PML: variants seen among roughly 807,000 people sequenced by gnomAD.
The protein encoded by PML is protein PML.
Under a neutral mutation model 65.2 loss-of-function variants are expected in PML, and 28 were observed. The observed-to-expected ratio is 0.43, with a 90% CI of 0.32 to 0.59. The LOEUF is 0.59. Among genes scored for constraint, PML ranks in the 20% least tolerant of loss-of-function variants. PML has a pLI of 0.08. For synonymous variants in PML, 500 were observed against 508.8 expected (o/e 0.98, Z 0.23); for missense variants, 1,021 against 1,203.4 (o/e 0.85, Z 2.24).
chr15:74,017,964 G>A (rs2141815655), intron 2 of PML, among the ~76,000 whole-genome samples: 1 of 152,044 alleles, frequency 6.6e-6, no homozygotes, highest in East Asian at 1.9e-4. Context: ...TTGAGACTCT[G>A]TCTCTATAAA....
At chr15:74,015,691 C>G (rs945036727) in intron 2 of PML, among the ~76,000 whole-genome samples, 1 of 152,210 alleles carries the variant, frequency 6.6e-6, no homozygotes, top group African/African-American at 2.4e-5. Context: ...ATGTGTAATA[C>G]CCCCTCTTCT....
intron 1 of PML, among the ~76,000 whole-genome samples, chr15:73,995,223 C>T (rs1367189319): frequency 1.3e-5 from 2 of 152,244 alleles, no homozygotes; most frequent in Admixed American, 6.5e-5. Flanking sequence ...GGCCTCCGGG[C>T]CTGGGCCCTT....
intron 2 of PML, among the ~76,000 whole-genome samples, chr15:74,005,392 G>C (rs1037153221): frequency 2.0e-4 from 30 of 152,142 alleles, no homozygotes; most frequent in African/African-American, 6.7e-4. Context: ...TTGTTATATG[G>C]ATATTGGAAC....
In PML at chr15:74,035,696, G is replaced by C; in HGVS notation, c.1710+1166G>C. The C allele has an allele frequency of 6.2e-7, 1 of 1,614,086 alleles. No homozygotes were observed. The highest frequency in any genetic ancestry group is 1.1e-5 in the South Asian group (1 of 91,088). ...GGGGCTCCTCCCATTTATCCCAGTG[G>C]CTCAACAACTTTTTTGCCCTCCCCT... On this transcript the variant is annotated intron_variant, in intron 7 of 8. Coordinates refer to ENST00000268058, the MANE Select transcript of PML (RefSeq NM_033238.3). This position sits in a 1 kb window ranked among gnomAD's most constrained non-coding sequence, Gnocchi z 4.1.
At chr15:74,026,948 C>A (rs1255442495) in intron 4 of PML, 1 of 152,142 alleles carries the variant, frequency 6.6e-6, no homozygotes, top group Admixed American at 6.6e-5. Flanking sequence ...CCACCGTGCC[C>A]CACCTCTTTT....
Position 74,035,584 on chromosome 15 carries a change from C to T in PML, c.1710+1054C>T. ...GGGCCCCTCAACCATCCTGCCAATG[C>T]CCAGGAACATCCTGCCCAGCTGCAA... is the stretch of plus-strand genomic sequence containing the variant. On this transcript the variant is annotated intron_variant, in intron 7 of 8. Coordinates refer to ENST00000268058, the MANE Select transcript of PML (RefSeq NM_033238.3). This position sits in a 1 kb window ranked among gnomAD's most constrained non-coding sequence, Gnocchi z 4.1. 6.2e-7 allele frequency: 1 copy of T among 1,612,190 alleles called. No individual in the cohort carries two copies. Among genetic ancestry groups the T allele is most frequent in the Non-Finnish European group, 8.5e-7 (1 of 1,179,908 alleles).
In PML at chr15:74,024,881, G is replaced by C; in HGVS notation, c.1208G>C (p.Ser403Thr). The change falls in exon 4 of 9, where the codon AGC (serine) becomes ACC (threonine). Residue 403 changes from serine (S) to threonine (T), a missense_variant. Ser to Thr is a moderately conservative substitution (Grantham distance 58). Coordinates refer to ENST00000268058, the MANE Select transcript of PML (RefSeq NM_033238.3). ...GKDAAVSKKA[S>T]PEAASTPRDP... ...GATGCAGCTGTATCCAAGAAAGCCA[G>C]CCCAGAGGCTGCCAGCACTCCCAGG... 1 of 1,614,016 alleles carries C rather than the reference G, an allele frequency of 6.2e-7. No homozygotes were observed.
intron 4 of PML, among the ~76,000 whole-genome samples, chr15:74,030,651 A>AAAAC (rs71137375): frequency 1.5e-4 from 23 of 151,222 alleles, no homozygotes; most frequent in South Asian, 6.3e-4. Context: ...ACTCTGTCTC[A>AAAAC]AAACAAACAA....
intron 1 of PML, among the ~76,000 whole-genome samples, chr15:73,995,513 G>A (rs374690457): frequency 2.2e-4 from 33 of 152,290 alleles, no homozygotes; most frequent in South Asian, 8.3e-4. Flanking sequence ...CACCTCCCCC[G>A]ACAAAGGAAC....
intron 2 of PML, among the ~76,000 whole-genome samples, chr15:74,000,021 G>A (rs984354215): frequency 3.3e-5 from 5 of 151,882 alleles, no homozygotes. Context: ...ATTTTTAGTA[G>A]AGACAGGGTT....
chr15:74,038,003 ACT>A (rs574586646), intron 7 of PML, among the ~76,000 whole-genome samples: 312 of 151,254 alleles, frequency 2.1e-3, no homozygotes, highest in African/African-American at 6.9e-3. Flanking sequence ...GGCTCGCCCC[ACT>A]CTCTGCCCGG....
At chr15:74,015,078 C>T (rs1237936179) in intron 2 of PML, among the ~76,000 whole-genome samples, 1 of 152,222 alleles carries the variant, frequency 6.6e-6, no homozygotes, top group Non-Finnish European at 1.5e-5. Context: ...TGCTTCCTTT[C>T]ACCGCTTTCC....
Position 74,047,739 on chromosome 15 carries a change from C to T in PML, c.*2731C>T, listed in dbSNP as rs2071784543. 3 of 187,934 alleles carry T rather than the reference C, an allele frequency of 1.6e-5. No homozygotes were observed. The highest frequency in any genetic ancestry group is 3.4e-5 in the Non-Finnish European group (3 of 89,296). The allele number at this position is 187,934 out of a possible 1,614,324, so 11.6% of individuals were successfully genotyped here. On this transcript the variant is annotated 3_prime_UTR_variant, in exon 9 of 9. Transcript: ENST00000268058. ...AGCTTTTTGGTATATTTTAAAAGTG[C>T]ACAAATTTAAGATCTTACTGCTTTA...
rs189441029 is a variant in PML at position 74,047,235 on chromosome 15, G to A, written c.*2227G>A. The A allele has an allele frequency of 3.0e-5, 7 of 230,566 alleles. No individual in the cohort carries two copies. The highest frequency in any genetic ancestry group is 1.7e-4 in the Admixed American group (3 of 17,692). The allele number at this position is 230,566 out of a possible 1,614,324, so 14.3% of individuals were successfully genotyped here. ...GGGAGGCCCAGGACTTTGGTAACAG[G>A]TGATGAATGTGTTGTCTTGGCCATC... is the stretch of plus-strand genomic sequence containing the variant. On this transcript the variant is annotated 3_prime_UTR_variant, in exon 9 of 9. Coordinates refer to ENST00000268058, the MANE Select transcript of PML (RefSeq NM_033238.3).
chr15:74,024,388 C>T (rs1258357247), intron 3 of PML, among the ~76,000 whole-genome samples: 1 of 152,206 alleles, frequency 6.6e-6, no homozygotes, highest in Non-Finnish European at 1.5e-5. Flanking sequence ...ACAGAGTTTA[C>T]ACAGCTTGCC....
At chr15:74,002,611 G>GTTTTTTTTT (rs34203409) in intron 2 of PML, among the ~76,000 whole-genome samples, 1 of 128,850 alleles carries the variant, frequency 7.8e-6, no homozygotes, top group Non-Finnish European at 1.6e-5. Flanking sequence ...GCCCGGCTAA[G>GTTTTTTTTT]TTTTTTTTTT....
intron 4 of PML, among the ~76,000 whole-genome samples, chr15:74,030,896 A>G (rs371968918): frequency 6.6e-6 from 1 of 152,098 alleles, no homozygotes; most frequent in East Asian, 1.9e-4. Flanking sequence ...TATTACATTC[A>G]TAATATTTTT....
intron 2 of PML, among the ~76,000 whole-genome samples, 172 bp from the exon 3 acceptor site, chr15:74,022,656 G>A (rs533293293): frequency 2.0e-5 from 3 of 152,338 alleles, no homozygotes; most frequent in African/African-American, 7.2e-5. Context: ...TGTGTTATTG[G>A]TAGTTTGGAT....
intron 7 of PML, among the ~76,000 whole-genome samples, chr15:74,038,601 A>T (rs1037011685): frequency 6.6e-6 from 1 of 151,980 alleles, no homozygotes; most frequent in Admixed American, 6.6e-5. Context: ...CCCTTTCCAG[A>T]CCCCTGGTGC....
Sources: gnomAD v4.1 joint callset for allele counts (sites outside exome capture counted in the v4.1 genomes callset) on GRCh38, gnomAD v4.1.1 for gene constraint, Gnocchi (gnomAD v3.1) non-coding constraint, MANE v1.5 for transcripts, NCBI Gene and HGNC (gene_info 2026-07-23, HGNC 2026-07-21) for gene names.